Variants in MORC4 observed in about 807,000 individuals in gnomAD.
The protein encoded by MORC4 is MORC family CW-type zinc finger protein 4.
MORC4 carries 22 observed loss-of-function variants against 65.5 expected under a neutral mutation model. The ratio of observed to expected loss-of-function variants is 0.34; its 90% CI spans 0.24 to 0.48. The LOEUF is 0.48. Ranked by LOEUF, MORC4 falls within the 20% of genes least tolerant of loss-of-function variation. The pLI is 0.99. For synonymous variants in MORC4, 267 were observed against 255.8 expected (o/e 1.04, Z -0.42); for missense variants, 624 against 703.0 (o/e 0.89, Z 1.27).
intron 14 of MORC4, among the ~76,000 whole-genome samples, chrX:106,950,964 T>C (rs2086298367): frequency 8.9e-6 from 1 of 112,323 alleles, no homozygotes; most frequent in Non-Finnish European, 1.9e-5. Flanking sequence ...CTCCCTTTGC[T>C]GTGTGCCCCT....
intron 6 of MORC4, 25 bp downstream of exon 6, chrX:106,981,320 T>C (rs563221707): frequency 1.4e-5 from 16 of 1,165,278 alleles, no homozygotes; most frequent in African/African-American, 9.1e-5. Flanking sequence ...TTACCTCTCA[T>C]TGTTGAAAAA....
chrX:106,993,366 C>T lies in MORC4; in HGVS notation c.176-4G>A. 2.5e-6 allele frequency: 3 copies of T among 1,204,452 alleles called. No homozygotes were observed. Among genetic ancestry groups the T allele is most frequent in the Non-Finnish European group, 3.4e-6 (3 of 892,009 alleles). On this transcript the variant is annotated splice_region_variant and splice_polypyrimidine_tract_variant and intron_variant, in intron 2 of 16. Transcript: ENST00000355610. ...ACATCTGGATCTACAGCATTATCTG[C>T]AAAAGGTAGAAATCTGCGATATTAG...
At chrX:106,959,604 T>A (rs1934187922) in intron 10 of MORC4, among the ~76,000 whole-genome samples, 1 of 111,438 alleles carries the variant, frequency 9.0e-6, no homozygotes, top group Admixed American at 9.6e-5. Flanking sequence ...GTGGCACAAT[T>A]TCAGTTCACT....
rs1303393268 is a variant in MORC4 at position 106,960,875 on chromosome X, TTTATATCATAC to T, written c.1256+1126_1256+1136del. 8.0e-5 allele frequency among the ~76,000 whole-genome samples: 9 copies of T among 111,967 alleles called. No homozygotes were observed. The Admixed American group carries it at 8.5e-4, about 11-fold the overall frequency. Reference sequence around the variant, plus strand: ...CATTAGGTTGCATTAGAAATAAAATTTTATATCATACATTTGCCTAATAATTTCCATTAAAA... The same window carrying T: ...CATTAGGTTGCATTAGAAATAAAATTATTTGCCTAATAATTTCCATTAAAA... On this transcript the variant is annotated intron_variant, in intron 10 of 16. Transcript: ENST00000355610.
chrX:106,990,249 TTTTA>T (rs747923966), intron 3 of MORC4, among the ~76,000 whole-genome samples: 5 of 109,975 alleles, frequency 4.5e-5, no homozygotes, highest in African/African-American at 9.9e-5. Flanking sequence ...TCTCTTTTAT[TTTTA>T]TTTATTTATT....
At position 106,988,631 on chromosome X, in the gene MORC4, C is replaced by T. The variant is rs1020200128; in HGVS notation, c.309-2431G>A. Among the ~76,000 whole-genome samples, 4 of 112,066 alleles carry T rather than the reference C, an allele frequency of 3.6e-5. No individual in the cohort carries two copies. The East Asian group carries it at 1.1e-3, about 31-fold the overall frequency. ...AATAACTACCTAACACAAAAGCCCT[C>T]ACCACACATAATAATAGAATTGTAA... is the stretch of plus-strand genomic sequence containing the variant. On this transcript the variant is annotated intron_variant, in intron 3 of 16. Transcript: ENST00000355610.
intron 3 of MORC4, among the ~76,000 whole-genome samples, chrX:106,986,504 G>C (rs751067985): frequency 2.2e-4 from 25 of 111,688 alleles, no homozygotes; most frequent in African/African-American, 7.8e-4. Context: ...AACGTAGCTG[G>C]AGAAGGCCTT....
chrX:106,972,923 T>A (rs1934553525), intron 9 of MORC4, among the ~76,000 whole-genome samples: 2 of 112,339 alleles, frequency 1.8e-5, no homozygotes, highest in East Asian at 5.6e-4. Context: ...CAAAACTCCA[T>A]CTCAAAAACA....
At chrX:106,990,688 A>G (rs1002486263) in intron 3 of MORC4, among the ~76,000 whole-genome samples, 1 of 112,204 alleles carries the variant, frequency 8.9e-6, no homozygotes, top group Admixed American at 9.4e-5. Context: ...CCTGGCCAAC[A>G]TGGTGAAACC....
At chrX:106,944,015 G>A (rs749338197) in intron 14 of MORC4, among the ~76,000 whole-genome samples, 1 of 112,457 alleles carries the variant, frequency 8.9e-6, no homozygotes, top group South Asian at 3.7e-4. Context: ...GCAGCAGGGT[G>A]GGAACCCCAT....
chrX:106,943,821 C>T (rs1486301100), intron 14 of MORC4, among the ~76,000 whole-genome samples: 1 of 112,630 alleles, frequency 8.9e-6, no homozygotes. Flanking sequence ...CAATTCAAGT[C>T]ATTTTCCCCT....
At chrX:106,973,796 A>T (rs1382981114) in intron 9 of MORC4, among the ~76,000 whole-genome samples, 1 of 111,592 alleles carries the variant, frequency 9.0e-6, no homozygotes, top group Non-Finnish European at 1.9e-5. Flanking sequence ...TGGGCAAGAA[A>T]TGCTGGCAGC....
intron 9 of MORC4, among the ~76,000 whole-genome samples, chrX:106,970,641 T>C (rs1461780714): frequency 8.9e-6 from 1 of 111,736 alleles, no homozygotes; most frequent in Non-Finnish European, 1.9e-5. Flanking sequence ...ACAAAATCAA[T>C]GCGCAAAAAT....
At chrX:106,968,642 C>CAAAA (rs1194053588) in intron 9 of MORC4, among the ~76,000 whole-genome samples, 185 of 17,910 alleles carry the variant, frequency 0.01, no homozygotes, top group East Asian at 0.013. Flanking sequence ...AAATGGAAAG[C>CAAAA]AAAAAAAAAA....
intron 10 of MORC4, among the ~76,000 whole-genome samples, chrX:106,960,988 T>C (rs1312742159): frequency 8.9e-6 from 1 of 112,281 alleles, no homozygotes; most frequent in Non-Finnish European, 1.9e-5. Flanking sequence ...ACTGTGTATG[T>C]GTTGGCACAC....
chrX:106,944,781 C>A (rs1057029094), intron 14 of MORC4, among the ~76,000 whole-genome samples: 4 of 111,595 alleles, frequency 3.6e-5, no homozygotes, highest in Non-Finnish European at 3.8e-5. Flanking sequence ...TACAACAGCA[C>A]CAAACTGTCA....
At position 106,993,277 on chromosome X, in the gene MORC4, G is replaced by C. The variant is rs747629964; in HGVS notation, c.261C>G (p.Thr87=). The change falls in exon 3 of 17, where the codon ACC becomes ACG. Residue 87 remains threonine, a synonymous_variant. Coordinates refer to ENST00000355610, the MANE Select transcript of MORC4 (RefSeq NM_024657.5). ...GAGGTGTCATCCCACATCCATCATC[G>C]GTAAAGGTCAAACAAGATTTATTCT... ...EVKNKSCLTF[T]DDGCGMTPHK... The C allele has an allele frequency of 9.9e-6, 12 of 1,208,022 alleles. No homozygotes were observed. The highest frequency in any genetic ancestry group is 1.2e-5 in the Non-Finnish European group (11 of 893,369).
chrX:106,941,654 CAGG>C (rs756830844), intron 16 of MORC4, 22 bp from the exon 17 acceptor site: 3 of 1,196,833 alleles, frequency 2.5e-6, no homozygotes, highest in African/African-American at 3.5e-5. Context: ...AGTGAGGGGG[CAGG>C]AGAAGAGATG....
intron 9 of MORC4, among the ~76,000 whole-genome samples, chrX:106,963,901 A>C (rs983106522): frequency 1.2e-4 from 13 of 110,440 alleles, no homozygotes; most frequent in African/African-American, 3.3e-4. Context: ...ACAAAAAAAA[A>C]CCCAGCAAAC....
Sources: allele counts gnomAD v4.1 joint callset (sites outside exome capture counted in the v4.1 genomes callset), GRCh38; gene constraint gnomAD v4.1.1; transcripts MANE v1.5; gene names NCBI Gene and HGNC (gene_info 2026-07-23, HGNC 2026-07-21).